Variants in TBCEL observed in about 807,000 individuals in gnomAD.
TBCEL encodes the protein tubulin-specific chaperone cofactor E-like protein.
Under a neutral mutation model 44.2 loss-of-function variants are expected in TBCEL, and 15 were observed. That is an observed-to-expected ratio of 0.34 (90% confidence interval 0.23 to 0.52). The LOEUF (loss-of-function observed/expected upper bound fraction) is 0.52, where lower values mean the gene tolerates loss of function less well. Ranked by LOEUF, TBCEL falls within the 20% of genes least tolerant of loss-of-function variation. The pLI, the probability that TBCEL is intolerant of heterozygous loss-of-function variation, is 0.95. For synonymous variants in TBCEL, 171 were observed against 185.4 expected (o/e 0.92, Z 0.63); for missense variants, 319 against 506.3 (o/e 0.63, Z 3.55).
At chr11:121,059,151 G>C (rs1002369387) in intron 7 of TBCEL, among the ~76,000 whole-genome samples, 1 of 151,948 alleles carries the variant, frequency 6.6e-6, no homozygotes, top group Non-Finnish European at 1.5e-5. Context: ...GTTCTCTAAA[G>C]AAGAGTGGTT....
chr11:121,040,014 T>C (rs7936954), intron 2 of TBCEL, among the ~76,000 whole-genome samples: 3,686 of 152,256 alleles, frequency 0.024, 117 homozygotes, highest in African/African-American at 0.069. Context: ...GCTATGAAAA[T>C]TTCTTGAAGA....
chr11:121,037,350 C>T (rs1945249454), intron 2 of TBCEL, among the ~76,000 whole-genome samples: 1 of 152,160 alleles, frequency 6.6e-6, no homozygotes, highest in African/African-American at 2.4e-5. Flanking sequence ...AGTTTATTTT[C>T]CTTTTCATCC....
chr11:121,061,328 GTTTA>G (rs1168162700), intron 8 of TBCEL, among the ~76,000 whole-genome samples: 8 of 151,904 alleles, frequency 5.3e-5, no homozygotes, highest in Non-Finnish European at 1.0e-4. Context: ...TGCCATCAGA[GTTTA>G]TTTAACTTCC....
intron 1 of TBCEL, among the ~76,000 whole-genome samples, chr11:121,033,672 A>C (rs1256727071): frequency 1.3e-5 from 2 of 152,174 alleles, no homozygotes; most frequent in Admixed American, 1.3e-4. Context: ...GTAACATAAA[A>C]TTTATCATTT....
At chr11:121,040,966 A>G (rs1407891734) in intron 2 of TBCEL, among the ~76,000 whole-genome samples, 2 of 152,276 alleles carry the variant, frequency 1.3e-5, no homozygotes, top group Non-Finnish European at 1.5e-5. Flanking sequence ...AGATAAATCT[A>G]TTTTTATAAG....
Position 121,041,790 on chromosome 11 carries a change from A to G in TBCEL, c.-17-3884A>G, listed in dbSNP as rs543232310. On this transcript the variant is annotated intron_variant, in intron 2 of 8. Transcript: ENST00000683345. Reference sequence around the variant, plus strand: ...AGTTACATTACCAATCCATTTCACAATCTTGATGTTCTAATTCAAAACCTA... The same window carrying G: ...AGTTACATTACCAATCCATTTCACAGTCTTGATGTTCTAATTCAAAACCTA... Among the ~76,000 whole-genome samples the G allele has an allele frequency of 2.0e-5, 3 of 152,024 alleles. No individual in the cohort carries two copies. The East Asian group carries it at 5.8e-4, about 29-fold the overall frequency.
intron 2 of TBCEL, 61 bp from the exon 3 acceptor site, chr11:121,045,613 A>T: frequency 7.2e-7 from 1 of 1,392,394 alleles, no homozygotes; most frequent in East Asian, 2.4e-5. Flanking sequence ...TTTTCAATAA[A>T]TACTTCTTAT....
At chr11:121,032,985 G>C (rs1945169868) in intron 1 of TBCEL, among the ~76,000 whole-genome samples, 1 of 152,190 alleles carries the variant, frequency 6.6e-6, no homozygotes, top group Admixed American at 6.5e-5. Flanking sequence ...TACTGGGAGA[G>C]AGGTAGTTTT....
chr11:121,037,152 T>G (rs1945246251), intron 2 of TBCEL, among the ~76,000 whole-genome samples: 1 of 152,132 alleles, frequency 6.6e-6, no homozygotes, highest in Non-Finnish European at 1.5e-5. Context: ...TATAGTGTAG[T>G]ATACAGTTGA....
At chr11:121,076,173 C>T (rs567064543) in intron 8 of TBCEL, among the ~76,000 whole-genome samples, 7 of 151,930 alleles carry the variant, frequency 4.6e-5, no homozygotes, top group African/African-American at 1.7e-4. Flanking sequence ...TAATTCCTTG[C>T]CTTACATATA....
At chr11:121,078,431 T>C (rs1321837483) in intron 8 of TBCEL, among the ~76,000 whole-genome samples, 1 of 152,162 alleles carries the variant, frequency 6.6e-6, no homozygotes, top group Non-Finnish European at 1.5e-5. Context: ...GCTCTTATAA[T>C]GGAATTTGGA....
At chr11:121,076,246 G>A (rs1291883572) in intron 8 of TBCEL, among the ~76,000 whole-genome samples, 1 of 151,908 alleles carries the variant, frequency 6.6e-6, no homozygotes, top group Non-Finnish European at 1.5e-5. Context: ...TTAGCATTGT[G>A]TTGAATTTAT....
chr11:121,070,834 TAA>T (rs1248859590), intron 8 of TBCEL, among the ~76,000 whole-genome samples: 7 of 137,660 alleles, frequency 5.1e-5, no homozygotes, highest in Admixed American at 7.2e-5. Context: ...TTAAAGTATT[TAA>T]AAAAAAAAAA....
chr11:121,035,061 TTGCA>T (rs1945206815), intron 1 of TBCEL, among the ~76,000 whole-genome samples: 1 of 152,182 alleles, frequency 6.6e-6, no homozygotes, highest in South Asian at 2.1e-4. Context: ...TTAACAAAAA[TTGCA>T]AGTTAGTCCT....
chr11:121,043,116 A>G (rs1945363633), intron 2 of TBCEL, among the ~76,000 whole-genome samples: 1 of 152,212 alleles, frequency 6.6e-6, no homozygotes, highest in South Asian at 2.1e-4. Flanking sequence ...ACTTGAGATA[A>G]CAGTGACTTG....
Position 121,088,389 on chromosome 11 carries a change from G to A in TBCEL, c.*1293G>A, listed in dbSNP as rs1565510614. ...TATTTTTTGCAGAAGCACATTTAAA[G>A]CACTTTTCTGTAAAAGCTAGTTCCT... On this transcript the variant is annotated 3_prime_UTR_variant, in exon 9 of 9. Transcript: ENST00000683345. The A allele has an allele frequency of 6.6e-6, 1 of 152,230 alleles. No homozygotes were observed. The highest frequency in any genetic ancestry group is 1.9e-4 in the East Asian group (1 of 5,184). 9.4% of individuals were successfully genotyped at this position (152,230 alleles called of 1,614,324 possible). A position where few individuals can be genotyped will look rare whatever the true frequency, so the allele number is the denominator to read the frequency against.
At chr11:121,058,819 G>A (rs1945668293) in intron 7 of TBCEL, among the ~76,000 whole-genome samples, 2 of 151,870 alleles carry the variant, frequency 1.3e-5, no homozygotes, top group Admixed American at 6.6e-5. Flanking sequence ...CTGTTAACAT[G>A]TTGATCATTT....
chr11:121,038,914 T>C (rs1217057582), intron 2 of TBCEL, among the ~76,000 whole-genome samples: 1 of 152,228 alleles, frequency 6.6e-6, no homozygotes, highest in Non-Finnish European at 1.5e-5. Context: ...TTAACTGTAC[T>C]GGAAGTGCTT....
chr11:121,045,619 C>A, intron 2 of TBCEL, 55 bp from the exon 3 acceptor site: 1 of 1,411,372 alleles, frequency 7.1e-7, no homozygotes, highest in Non-Finnish European at 9.6e-7. Flanking sequence ...ATAAATACTT[C>A]TTATGTGAGT....
Sources: allele counts gnomAD v4.1 joint callset (sites outside exome capture counted in the v4.1 genomes callset), GRCh38; gene constraint gnomAD v4.1.1; transcripts MANE v1.5; gene names NCBI Gene and HGNC (gene_info 2026-07-23, HGNC 2026-07-21).